ALK: variants seen among roughly 807,000 people sequenced by gnomAD.
The protein encoded by ALK is ALK tyrosine kinase receptor.
In ALK, 74 loss-of-function variants were observed where a neutral mutation model predicts 163.1. The observed-to-expected ratio is 0.45, with a 90% CI of 0.38 to 0.55. The LOEUF (loss-of-function observed/expected upper bound fraction) is 0.55, where lower values mean the gene tolerates loss of function less well. Among genes scored for constraint, ALK ranks in the 20% least tolerant of loss-of-function variants. ALK has a pLI of 0.00. For synonymous variants in ALK, 960 were observed against 843.2 expected (o/e 1.14, Z -2.40); for missense variants, 2,063 against 2,105.3 (o/e 0.98, Z 0.39).
rs375507924 is a variant in ALK at position 29,320,888 on chromosome 2, G to A, written c.1415-6C>T. ...AAAACCCACAGGCAGTTTCCCTATG[G>A]AGAGAGCAGAGAGGCACCATCATTT... On this transcript the variant is annotated splice_region_variant and splice_polypyrimidine_tract_variant and intron_variant, in intron 6 of 28. Transcript: ENST00000389048. 23 of 1,614,174 alleles carry A rather than the reference G, an allele frequency of 1.4e-5. No individual in the cohort carries two copies. In the African/African-American group the frequency reaches 2.9e-4, roughly 21 times the overall value.
At chr2:29,402,583 T>C (rs1485977719) in intron 4 of ALK, among the ~76,000 whole-genome samples, 3 of 152,232 alleles carry the variant, frequency 2.0e-5, no homozygotes, top group Non-Finnish European at 4.4e-5. Context: ...TAGGTTTCTA[T>C]TTTTTGGTTT....
intron 4 of ALK, among the ~76,000 whole-genome samples, chr2:29,404,787 G>T (rs184552686): frequency 1.3e-5 from 2 of 152,332 alleles, no homozygotes; most frequent in East Asian, 3.9e-4. Context: ...TGAGAGCCCA[G>T]TGCAGCATGG....
chr2:29,799,619 G>A (rs1664410830), intron 1 of ALK, among the ~76,000 whole-genome samples: 1 of 152,144 alleles, frequency 6.6e-6, no homozygotes, highest in Non-Finnish European at 1.5e-5. Context: ...AGGAGTTCAA[G>A]GCTCAGTGAG....
intron 4 of ALK, among the ~76,000 whole-genome samples, chr2:29,523,587 G>A (rs548346234): frequency 6.6e-6 from 1 of 152,302 alleles, no homozygotes; most frequent in South Asian, 2.1e-4. Flanking sequence ...AAACAGTGAG[G>A]CTCAGTAAAC....
intron 9 of ALK, chr2:29,286,345 T>A (rs887237923): frequency 1.3e-5 from 2 of 152,200 alleles, no homozygotes; most frequent in Non-Finnish European, 2.9e-5. Flanking sequence ...CTCCAGTCAC[T>A]TCTTGATTCC....
At chr2:29,585,348 CAG>C (rs1271829147) in intron 3 of ALK, among the ~76,000 whole-genome samples, 3 of 104,200 alleles carry the variant, frequency 2.9e-5, no homozygotes, top group Non-Finnish European at 6.2e-5. Context: ...TTTTTTGAGA[CAG>C]AGTCTTGCTC....
At chr2:29,594,269 T>C (rs1258654317) in intron 3 of ALK, among the ~76,000 whole-genome samples, 6 of 152,208 alleles carry the variant, frequency 3.9e-5, no homozygotes, top group Non-Finnish European at 7.3e-5. Flanking sequence ...TTTACATGCA[T>C]ATTGTGTCTG....
In ALK at chr2:29,920,030, G is replaced by A. The variant is rs1337002578; in HGVS notation, c.630C>T (p.Ala210=). Residue 210 remains alanine, a synonymous_variant, in exon 1 of 29, where the codon GCC becomes GCT. Transcript: ENST00000389048. ...TCTGGAAGAGAAGGCGGGGCTGGGA[G>A]GCGCGAATTGCCGCGGACAGCCTTC... is the stretch of plus-strand genomic sequence containing the variant. ...REGRLSAAIR[A]SQPRLLFQIF... The A allele has an allele frequency of 6.2e-7, 1 of 1,614,152 alleles. No individual in the cohort carries two copies. The highest frequency in any genetic ancestry group is 8.5e-7 in the Non-Finnish European group (1 of 1,180,032).
At chr2:29,401,553 T>C (rs1037672318) in intron 4 of ALK, among the ~76,000 whole-genome samples, 1 of 152,068 alleles carries the variant, frequency 6.6e-6, no homozygotes, top group African/African-American at 2.4e-5. Context: ...TTGCTTCCAG[T>C]TGGGGAGTGG....
intron 3 of ALK, among the ~76,000 whole-genome samples, chr2:29,659,047 T>A (rs981462769): frequency 1.3e-5 from 2 of 152,078 alleles, no homozygotes; most frequent in Admixed American, 1.3e-4. Context: ...CTCCCTCCCC[T>A]CCCCTTAAAG....
rs56104823 is a variant in ALK, at chr2:29,613,407, C to T, written c.953-81291G>A. Among the ~76,000 whole-genome samples the T allele has an allele frequency of 3.1e-3, 465 of 152,264 alleles. 1 individual carries two copies. Among genetic ancestry groups the T allele is most frequent in the Middle Eastern group, 0.01 (3 of 294 alleles). Reference sequence around the variant, plus strand: ...CCTCAATCCCTTTTGCATTTCTCTTCGGGAAATTAAATTAGCTAACATTTT... The same window carrying T: ...CCTCAATCCCTTTTGCATTTCTCTTTGGGAAATTAAATTAGCTAACATTTT... On this transcript the variant is annotated intron_variant, in intron 3 of 28. Transcript: ENST00000389048.
At chr2:29,412,087 G>A (rs1669738220) in intron 4 of ALK, among the ~76,000 whole-genome samples, 1 of 152,170 alleles carries the variant, frequency 6.6e-6, no homozygotes, top group African/African-American at 2.4e-5. Context: ...CCAGGTAGTA[G>A]GCCTGAAGAG....
chr2:29,593,860 A>G (rs1167040487), intron 3 of ALK, among the ~76,000 whole-genome samples: 1 of 152,256 alleles, frequency 6.6e-6, no homozygotes, highest in Non-Finnish European at 1.5e-5. Context: ...TGACAGTACC[A>G]GCTTTTAAAG....
chr2:29,607,794 C>T (rs867015248), intron 3 of ALK, among the ~76,000 whole-genome samples: 3 of 151,906 alleles, frequency 2.0e-5, no homozygotes, highest in Non-Finnish European at 2.9e-5. Context: ...TTTTTCTTAC[C>T]TACACTTTCT....
chr2:29,620,557 C>T (rs1057426775), intron 3 of ALK, among the ~76,000 whole-genome samples: 14 of 151,966 alleles, frequency 9.2e-5, no homozygotes, highest in African/African-American at 2.7e-4. Context: ...GATGCGAACA[C>T]GGAGTCGGGG....
At chr2:29,781,927 A>T (rs1681341117) in intron 1 of ALK, among the ~76,000 whole-genome samples, 1 of 152,168 alleles carries the variant, frequency 6.6e-6, no homozygotes. Context: ...GGTCGCCCCG[A>T]CAGCCTGAGT....
chr2:29,440,127 G>T (rs540997081), intron 4 of ALK, among the ~76,000 whole-genome samples: 1 of 151,740 alleles, frequency 6.6e-6, no homozygotes. Context: ...CCAGCTATTC[G>T]GGAGGCTGAG....
intron 1 of ALK, among the ~76,000 whole-genome samples, chr2:29,730,553 A>T (rs1181683910): frequency 6.6e-6 from 1 of 152,216 alleles, no homozygotes; most frequent in African/African-American, 2.4e-5. Context: ...CCTTTCATTT[A>T]AGCCTTTGAT....
intron 5 of ALK, among the ~76,000 whole-genome samples, chr2:29,342,956 C>T (rs567870156): frequency 3.3e-5 from 5 of 149,922 alleles, no homozygotes; most frequent in Admixed American, 2.7e-4. Flanking sequence ...GATCTCTGCC[C>T]GCTGCAAGCT....
Sources: gnomAD v4.1 joint callset for allele counts (sites outside exome capture counted in the v4.1 genomes callset) on GRCh38, gnomAD v4.1.1 for gene constraint, MANE v1.5 for transcripts, NCBI Gene and HGNC (gene_info 2026-07-23, HGNC 2026-07-21) for gene names.